The following RGS20 variants were observed in gnomAD, a reference collection of about 807,000 sequenced individuals.
RGS20 encodes the protein gz-selective GTPase-activating protein.
In RGS20, 30 loss-of-function variants were observed where a neutral mutation model predicts 33.6. The observed-to-expected ratio is 0.89, with a 90% CI of 0.67 to 1.21. The LOEUF (loss-of-function observed/expected upper bound fraction) is 1.21. RGS20 is among the 50% of genes most tolerant of loss of function. The pLI, the probability that RGS20 is intolerant of heterozygous loss-of-function variation, is 0.00. For missense variants in RGS20, 472 were observed against 502.4 expected (o/e 0.94, Z 0.58); for synonymous variants, 208 against 197.9 (o/e 1.05, Z -0.43).
rs140960383 is a variant in RGS20, at chr8:53,920,780, G to A, written c.511-18796G>A. ...TGTCAAATAATTTTTTTTTTGAGACGGGCAGTCTCACTCTGTTGCCCGGGC... is the reference window on the plus strand; with the variant it reads ...TGTCAAATAATTTTTTTTTTGAGACAGGCAGTCTCACTCTGTTGCCCGGGC... On this transcript the variant is annotated intron_variant, in intron 2 of 5. Coordinates refer to ENST00000297313, the MANE Select transcript of RGS20 (RefSeq NM_170587.4). Among the ~76,000 whole-genome samples the A allele has an allele frequency of 3.8e-3, 571 of 151,612 alleles. 5 individuals carry two copies. Among genetic ancestry groups the A allele is most frequent in the African/African-American group, 0.013 (532 of 41,342 alleles).
chr8:53,854,003 C>T (rs1367870590), intron 1 of RGS20, among the ~76,000 whole-genome samples: 1 of 152,028 alleles, frequency 6.6e-6, no homozygotes, highest in South Asian at 2.1e-4. Flanking sequence ...TAAAATGTAT[C>T]TAGACGTCAA....
At chr8:53,872,099 A>G (rs1286388657) in intron 1 of RGS20, among the ~76,000 whole-genome samples, 1 of 152,214 alleles carries the variant, frequency 6.6e-6, no homozygotes, top group East Asian at 1.9e-4. Flanking sequence ...AAGTAAAAAA[A>G]CACTAGGAAT....
chr8:53,872,408 C>A (rs1812097038), intron 1 of RGS20, among the ~76,000 whole-genome samples: 1 of 152,098 alleles, frequency 6.6e-6, no homozygotes, highest in Middle Eastern at 3.2e-3. Context: ...GATTTGGTTG[C>A]CCTTATTCAG....
chr8:53,953,732 G>A (rs939023241), intron 4 of RGS20, among the ~76,000 whole-genome samples: 1 of 152,150 alleles, frequency 6.6e-6, no homozygotes, highest in African/African-American at 2.4e-5. Context: ...AGATGATTAG[G>A]AAGTTTTGGG....
At chr8:53,939,242 G>C (rs73680378) in intron 2 of RGS20, among the ~76,000 whole-genome samples, 6,355 of 152,240 alleles carry the variant, frequency 0.042, 384 homozygotes, top group African/African-American at 0.14. Flanking sequence ...GATGCCTGGA[G>C]CTGGGAACGG....
intron 2 of RGS20, among the ~76,000 whole-genome samples, chr8:53,895,370 C>CTAGA (rs1307482116): frequency 6.6e-6 from 1 of 152,146 alleles, no homozygotes; most frequent in Non-Finnish European, 1.5e-5. Flanking sequence ...ATGGCCTGGG[C>CTAGA]TAGAGGCAGA....
At chr8:53,901,381 T>G (rs1435600013) in intron 2 of RGS20, among the ~76,000 whole-genome samples, 1 of 152,178 alleles carries the variant, frequency 6.6e-6, no homozygotes, top group African/African-American at 2.4e-5. Flanking sequence ...ACTTGTCTCT[T>G]AATGTCTCTT....
chr8:53,942,147 C>T (rs1814316530), intron 3 of RGS20, among the ~76,000 whole-genome samples: 1 of 152,114 alleles, frequency 6.6e-6, no homozygotes, highest in South Asian at 2.1e-4. Context: ...GGGGCACATG[C>T]CCATAATCCC....
At chr8:53,902,681 A>C (rs2129281134) in intron 2 of RGS20, among the ~76,000 whole-genome samples, 1 of 152,340 alleles carries the variant, frequency 6.6e-6, no homozygotes, top group South Asian at 2.1e-4. Context: ...TACTGCTGTG[A>C]AAATGAAGAA....
intron 1 of RGS20, among the ~76,000 whole-genome samples, chr8:53,855,292 T>G (rs1276930590): frequency 6.6e-6 from 1 of 152,204 alleles, no homozygotes; most frequent in Non-Finnish European, 1.5e-5. Flanking sequence ...CTTGAACTCC[T>G]GACCACAAGT....
intron 2 of RGS20, among the ~76,000 whole-genome samples, chr8:53,903,606 GCTT>G (rs1396165253): frequency 6.6e-6 from 1 of 152,110 alleles, no homozygotes; most frequent in Non-Finnish European, 1.5e-5. Flanking sequence ...CACTCTCCAT[GCTT>G]CTTCCCAGCC....
chr8:53,899,346 T>C (rs1724059391), intron 2 of RGS20, among the ~76,000 whole-genome samples: 1 of 152,244 alleles, frequency 6.6e-6, no homozygotes, highest in South Asian at 2.1e-4. Flanking sequence ...AGCTGACTTA[T>C]GTCAGGCGAA....
chr8:53,957,730 G>A (rs1461333358), intron 5 of RGS20, among the ~76,000 whole-genome samples: 2 of 152,224 alleles, frequency 1.3e-5, no homozygotes, highest in African/African-American at 4.8e-5. Context: ...CCCAGGAACC[G>A]CTCTCACAAG....
chr8:53,941,354 A>C (rs1814292789), intron 3 of RGS20, among the ~76,000 whole-genome samples: 1 of 152,190 alleles, frequency 6.6e-6, no homozygotes, highest in Non-Finnish European at 1.5e-5. Flanking sequence ...TGGGTAAAAT[A>C]AGACATTCTC....
chr8:53,958,153 A>G (rs1218169419), intron 5 of RGS20, 117 bp from the exon 5 acceptor site: 2 of 748,606 alleles, frequency 2.7e-6, no homozygotes, highest in Non-Finnish European at 4.1e-6. Flanking sequence ...AACAAACAAC[A>G]AAAAAACCAA....
At chr8:53,950,118 G>C (rs1428841715) in intron 4 of RGS20, among the ~76,000 whole-genome samples, 1 of 152,126 alleles carries the variant, frequency 6.6e-6, no homozygotes, top group Non-Finnish European at 1.5e-5. Flanking sequence ...AGGATTACAA[G>C]CGTGAGCCAC....
At chr8:53,923,923 A>G (rs556147380) in intron 2 of RGS20, among the ~76,000 whole-genome samples, 5 of 152,118 alleles carry the variant, frequency 3.3e-5, no homozygotes, top group African/African-American at 4.8e-5. Context: ...GAGCATCGCA[A>G]CTTTTATTTT....
intron 2 of RGS20, among the ~76,000 whole-genome samples, chr8:53,934,730 G>A (rs2129289373): frequency 6.6e-6 from 1 of 152,222 alleles, no homozygotes. Flanking sequence ...GGATATTCAG[G>A]ACTTGAACTC....
chr8:53,872,397 T>C (rs534595085), intron 1 of RGS20, among the ~76,000 whole-genome samples: 1 of 152,124 alleles, frequency 6.6e-6, no homozygotes, highest in African/African-American at 2.4e-5. Flanking sequence ...ATCCTTACCA[T>C]GATTTGGTTG....
Sources: allele counts gnomAD v4.1 joint callset (sites outside exome capture counted in the v4.1 genomes callset), GRCh38; gene constraint gnomAD v4.1.1; transcripts MANE v1.5; gene names NCBI Gene and HGNC (gene_info 2026-07-23, HGNC 2026-07-21).